The following CCDC170 variants were observed in gnomAD, a reference collection of about 807,000 sequenced individuals.
CCDC170 encodes the protein coiled-coil domain containing 170.
In CCDC170, 69 loss-of-function variants were observed where a neutral mutation model predicts 72.6. The ratio of observed to expected loss-of-function variants is 0.95; its 90% confidence interval spans 0.78 to 1.16. The LOEUF is 1.16. Ranked by LOEUF, CCDC170 falls within the 50% of genes most tolerant of loss-of-function variation. CCDC170 has a pLI of 0.00. For missense variants in CCDC170, 852 were observed against 832.5 expected (o/e 1.02, Z -0.29); for synonymous variants, 300 against 303.9 (o/e 0.99, Z 0.13).
chr6:151,510,996 A>G (rs1782140153), intron 1 of CCDC170, among the ~76,000 whole-genome samples: 1 of 152,180 alleles, frequency 6.6e-6, no homozygotes, highest in African/African-American at 2.4e-5. Flanking sequence ...TCGGCCTCCC[A>G]AAGTGCTGGG....
intron 1 of CCDC170, among the ~76,000 whole-genome samples, chr6:151,509,900 G>A (rs1336606072): frequency 2.6e-5 from 4 of 152,138 alleles, no homozygotes; most frequent in Non-Finnish European, 5.9e-5. Context: ...CAAGACAGCT[G>A]GATCACAAGG....
At chr6:151,574,380 A>G (rs1036053553) in intron 6 of CCDC170, among the ~76,000 whole-genome samples, 2 of 152,142 alleles carry the variant, frequency 1.3e-5, no homozygotes, top group Admixed American at 1.3e-4. Context: ...GAGCTTGGGT[A>G]GGTTCTTGAG....
At chr6:151,604,838 C>A (rs1344146920) in intron 9 of CCDC170, among the ~76,000 whole-genome samples, 2 of 152,042 alleles carry the variant, frequency 1.3e-5, no homozygotes. Flanking sequence ...GGATAATGAA[C>A]AAATCAAGGT....
intron 1 of CCDC170, among the ~76,000 whole-genome samples, chr6:151,526,076 C>T (rs1782402862): frequency 6.9e-6 from 1 of 145,778 alleles, no homozygotes; most frequent in African/African-American, 2.7e-5. Flanking sequence ...CCAGTCCTTC[C>T]TTCCTTCCTT....
chr6:151,571,091 T>C (rs915331627), intron 5 of CCDC170, among the ~76,000 whole-genome samples: 2 of 152,192 alleles, frequency 1.3e-5, no homozygotes, highest in Admixed American at 6.5e-5. Context: ...AATAAGATGT[T>C]ATGTTTCCTA....
At chr6:151,573,108 T>C in intron 5 of CCDC170, 66 bp from the exon 6 acceptor site, 1 of 1,425,410 alleles carries the variant, frequency 7.0e-7, no homozygotes, top group Non-Finnish European at 9.6e-7. Flanking sequence ...GAATTTGCCA[T>C]AGCAAATGCA....
intron 7 of CCDC170, among the ~76,000 whole-genome samples, chr6:151,592,508 G>A (rs1313942385): frequency 6.6e-6 from 1 of 152,160 alleles, no homozygotes; most frequent in Non-Finnish European, 1.5e-5. Flanking sequence ...TGTCTTACAT[G>A]GTGGCAGGCA....
chr6:151,612,627 G>A (rs1776892048), intron 9 of CCDC170, among the ~76,000 whole-genome samples: 1 of 152,090 alleles, frequency 6.6e-6, no homozygotes, highest in Admixed American at 6.5e-5. Context: ...TGTTTACCGT[G>A]TAGGTCAGTT....
intron 1 of CCDC170, among the ~76,000 whole-genome samples, chr6:151,521,915 G>A (rs1782322241): frequency 6.6e-6 from 1 of 151,708 alleles, no homozygotes; most frequent in African/African-American, 2.4e-5. Context: ...GAACCCAGGA[G>A]GCGGAGCTTG....
rs759046590 is a variant in CCDC170, at chr6:151,549,162, C to T, written c.774+673C>T. 2.8e-4 allele frequency among the ~76,000 whole-genome samples: 42 copies of T among 152,220 alleles called. 1 individual carries two copies. Among genetic ancestry groups the T allele is most frequent in the Middle Eastern group, 3.4e-3 (1 of 294 alleles). ...CCTCGTGATCTGCCCGCCTCAGCCT[C>T]CCAGAGTGGTAGAATTACAGGCGTG... On this transcript the variant is annotated intron_variant, in intron 5 of 10. Transcript: ENST00000239374.
chr6:151,556,934 T>C (rs555488621), intron 5 of CCDC170, among the ~76,000 whole-genome samples: 6 of 152,294 alleles, frequency 3.9e-5, no homozygotes, highest in Admixed American at 3.9e-4. Context: ...ACTCTCTAAC[T>C]ATATGAGTCA....
In CCDC170 at chr6:151,620,202, A is replaced by AAAAG. The variant is rs1777038509; in HGVS notation, c.*2058_*2059insGAAA. On this transcript the variant is annotated 3_prime_UTR_variant, in exon 11 of 11. Transcript: ENST00000239374. Reference sequence around the variant, plus strand: ...AATGGATGATTCCAAAAAAAAAAAAAAAAAGAAGAAAGAGAGAAAGAAAGA... The same window carrying AAAAG: ...AATGGATGATTCCAAAAAAAAAAAAAAAAGAAAAGAAGAAAGAGAGAAAGAAAGA... The AAAAG allele has an allele frequency of 6.6e-6, 1 of 150,656 alleles. No individual in the cohort carries two copies. The highest frequency in any genetic ancestry group is 2.1e-4 in the South Asian group (1 of 4,796). The allele number at this position is 150,656 out of a possible 1,614,324, so 9.3% of individuals were successfully genotyped here. A position where few individuals can be genotyped will look rare whatever the true frequency, so the allele number is the denominator to read the frequency against.
chr6:151,600,330 G>C (rs1776687112), intron 9 of CCDC170, among the ~76,000 whole-genome samples: 1 of 152,126 alleles, frequency 6.6e-6, no homozygotes, highest in Non-Finnish European at 1.5e-5. Context: ...TAGCTTTACT[G>C]TATTAGTTTC....
chr6:151,516,445 G>A lies in CCDC170; in HGVS notation c.58-19873G>A, dbSNP rs368886146. ...GTTTTGAAATTTGTCATGATTTCTT[G>A]TCATGAATGGGTGTGTTGTAACTGA... On this transcript the variant is annotated intron_variant, in intron 1 of 10. Coordinates refer to ENST00000239374, the MANE Select transcript of CCDC170 (RefSeq NM_025059.4). 1.4e-3 allele frequency among the ~76,000 whole-genome samples: 207 copies of A among 152,296 alleles called. 7 individuals are homozygous for A. The South Asian group carries it at 0.041, about 30-fold the overall frequency.
intron 6 of CCDC170, among the ~76,000 whole-genome samples, chr6:151,581,225 G>A (rs749702018): frequency 9.9e-5 from 15 of 152,098 alleles, no homozygotes; most frequent in South Asian, 4.1e-4. Flanking sequence ...ATTTGATAGC[G>A]CTTTACCAAC....
chr6:151,514,604 T>C (rs1298435573), intron 1 of CCDC170, among the ~76,000 whole-genome samples: 2 of 152,084 alleles, frequency 1.3e-5, no homozygotes, highest in Non-Finnish European at 2.9e-5. Context: ...AGGCTAGATA[T>C]TGGGCATTGA....
At chr6:151,565,827 C>A (rs149058444) in intron 5 of CCDC170, among the ~76,000 whole-genome samples, 2 of 152,218 alleles carry the variant, frequency 1.3e-5, no homozygotes, top group African/African-American at 4.8e-5. Flanking sequence ...TAGGTTCATT[C>A]TAAAAATTTA....
rs1018605214 is a variant in CCDC170, at chr6:151,619,616, T to C, written c.*1469T>C. 2 of 151,984 alleles carry C rather than the reference T, an allele frequency of 1.3e-5. No individual in the cohort carries two copies. Among genetic ancestry groups the C allele is most frequent in the African/African-American group, 2.4e-5 (1 of 41,362 alleles). 9.4% of individuals were successfully genotyped at this position (151,984 alleles called of 1,614,324 possible). On this transcript the variant is annotated 3_prime_UTR_variant, in exon 11 of 11. Coordinates refer to ENST00000239374, the MANE Select transcript of CCDC170 (RefSeq NM_025059.4). Reference sequence around the variant, plus strand: ...CAACCGTTCGTGAGTCATCAAAAAGTCAAAGTCAGCCTGGCCAACATGGCA... The same window carrying C: ...CAACCGTTCGTGAGTCATCAAAAAGCCAAAGTCAGCCTGGCCAACATGGCA...
intron 5 of CCDC170, among the ~76,000 whole-genome samples, chr6:151,570,598 G>A (rs1016638975): frequency 1.3e-5 from 2 of 152,126 alleles, no homozygotes; most frequent in Non-Finnish European, 2.9e-5. Flanking sequence ...ATTTTATATG[G>A]GAGACTTGAG....
Sources: allele counts gnomAD v4.1 joint callset (sites outside exome capture counted in the v4.1 genomes callset), GRCh38; gene constraint gnomAD v4.1.1; transcripts MANE v1.5; gene names NCBI Gene and HGNC (gene_info 2026-07-23, HGNC 2026-07-21).